The following TNC variants were observed in gnomAD, a reference collection of about 807,000 sequenced individuals.
TNC encodes the protein tenascin.
A neutral mutation model predicts 202.4 loss-of-function variants in TNC; 109 were observed. That is an observed-to-expected ratio of 0.54 (90% CI 0.46 to 0.63). TNC has a LOEUF of 0.63. Among genes scored for constraint, TNC ranks in the 30% least tolerant of loss-of-function variants. The probability of loss-of-function intolerance (pLI) is 0.00; values close to 1 mark genes in which losing one functional copy is unlikely to be tolerated. For synonymous variants in TNC, 1,007 were observed against 1,089.7 expected (o/e 0.92, Z 1.50); for missense variants, 2,756 against 2,833.3 (o/e 0.97, Z 0.62).
At chr9:115,083,608 T>C (rs1834477071) in intron 4 of TNC, among the ~76,000 whole-genome samples, 1 of 151,140 alleles carries the variant, frequency 6.6e-6, no homozygotes, top group Non-Finnish European at 1.5e-5. Flanking sequence ...GACTCTTTTT[T>C]TTTTTTTTTT....
In TNC at chr9:115,090,930, C is replaced by A. The variant is rs753278846; in HGVS notation, c.89G>T (p.Arg30Leu). 6.2e-6 allele frequency: 10 copies of A among 1,614,030 alleles called. No individual in the cohort carries two copies. Among genetic ancestry groups the A allele is most frequent in the African/African-American group, 2.7e-5 (2 of 74,914 alleles). The change falls in exon 2 of 28, where the codon CGG becomes CTG. Residue 30 changes from arginine to leucine, a missense_variant. By Grantham distance (102) the Arg-to-Leu change is moderately radical. This residue lies in a region of TNC where 2,559 missense variants were observed against 2,546.0 expected (regional missense o/e 1.01). Coordinates refer to ENST00000350763, the MANE Select transcript of TNC (RefSeq NM_002160.4). The stretch of plus-strand genomic sequence containing the variant: ...GTTCACCCCACTCTGTCGCTTGTGC[C>A]GGATGACTTTCTTGAGGACCCCACC... ...TEGGVLKKVI[R>L]HKRQSGVNAT...
In TNC at chr9:115,036,186, G is replaced by T. The variant is rs1830314077; in HGVS notation, c.5568C>A (p.Asp1856Glu). The T allele has an allele frequency of 6.2e-7, 1 of 1,614,142 alleles. No homozygotes were observed. The highest frequency in any genetic ancestry group is 8.5e-7 in the Non-Finnish European group (1 of 1,180,018). The change falls in exon 21 of 28, where the codon GAC becomes GAA. Residue 1856 changes from aspartate (D) to glutamate (E), a missense_variant. Asp to Glu is a conservative substitution (Grantham distance 45, BLOSUM62 2). Transcript: ENST00000350763. ...SGNTVEYALT[D>E]LEPATEYTLR... The stretch of plus-strand genomic sequence containing the variant: ...GTGTGTATTCCGTGGCAGGCTCGAG[G>T]TCGGTCAGAGCATACTCCACTGTGT...
chr9:115,031,486 G>C, intron 23 of TNC, 67 bp downstream of exon 23: 2 of 1,397,630 alleles, frequency 1.4e-6, no homozygotes, highest in Non-Finnish European at 1.9e-6. Context: ...GAAGTCAAAG[G>C]GGAAGTCAAG....
In TNC at chr9:115,041,027, A is replaced by G. The variant is rs780947784; in HGVS notation, c.5306T>C (p.Leu1769Pro). ...GACAAGGTACTCCACGCCAGGTATG[A>G]GTTTCACCAGCCTGGTCTGAGTCTT... Reference protein sequence around the residue: ...GTKTQTRLVKLIPGVEYLVSI... With the variant: ...GTKTQTRLVKPIPGVEYLVSI... The change falls in exon 19 of 28, where the codon CTC becomes CCC. Residue 1769 changes from leucine to proline, a missense_variant. Coordinates refer to ENST00000350763, the MANE Select transcript of TNC (RefSeq NM_002160.4). The G allele has an allele frequency of 6.2e-7, 1 of 1,614,078 alleles. No individual in the cohort carries two copies. The highest frequency in any genetic ancestry group is 8.5e-7 in the Non-Finnish European group (1 of 1,180,010).
intron 1 of TNC, among the ~76,000 whole-genome samples, chr9:115,112,218 T>A (rs924034078): frequency 8.5e-5 from 13 of 152,192 alleles, no homozygotes; most frequent in Admixed American, 2.6e-4. Context: ...AGACCTAGGA[T>A]TCCAACCTGA....
chr9:115,043,028 G>T (rs1830887419), intron 17 of TNC, among the ~76,000 whole-genome samples: 1 of 152,142 alleles, frequency 6.6e-6, no homozygotes. Flanking sequence ...GGGTCTACCT[G>T]TGAGAAAAGC....
chr9:115,048,515 C>G lies in TNC; in HGVS notation c.4597G>C (p.Glu1533Gln), dbSNP rs774523376. 1.9e-5 allele frequency: 31 copies of G among 1,612,790 alleles called. No homozygotes were observed. The South Asian group carries it at 2.9e-4, about 15-fold the overall frequency. ...TATTEALPLL[E>Q]NLTISDINPY... ...TTAATGTCGGAAATGGTTAGGTTTT[C>G]CAGAAGGGGCAGGGCCTCTGAAAGA... The change falls in exon 16 of 28, where the codon GAA (glutamate) becomes CAA (glutamine). Residue 1533 changes from glutamate (E) to glutamine (Q), a missense_variant. Transcript: ENST00000350763.
chr9:115,074,925 G>C (rs982850663), intron 9 of TNC, among the ~76,000 whole-genome samples: 15 of 152,122 alleles, frequency 9.9e-5, no homozygotes, highest in Non-Finnish European at 1.9e-4. Context: ...TACCCTTGGG[G>C]GAACCTGGGT....
chr9:115,051,539 T>G (rs1363739456), intron 15 of TNC, among the ~76,000 whole-genome samples: 1 of 22,430 alleles, frequency 4.5e-5, no homozygotes, highest in Non-Finnish European at 9.7e-5. Flanking sequence ...TTTTTTTTCT[T>G]TTTTTTTTTT....
chr9:115,055,683 A>T (rs557893320), intron 15 of TNC: 1 of 152,694 alleles, frequency 6.5e-6, no homozygotes, highest in African/African-American at 2.4e-5. Context: ...TGAGCTTCCC[A>T]CGAGATGGAC....
chr9:115,022,610 C>A (rs117403146), intron 27 of TNC, among the ~76,000 whole-genome samples: 1 of 151,666 alleles, frequency 6.6e-6, no homozygotes, highest in Admixed American at 6.6e-5. Context: ...TTGTATTATA[C>A]GAGTATTTTT....
intron 10 of TNC, among the ~76,000 whole-genome samples, chr9:115,070,834 C>T (rs966527264): frequency 2.0e-5 from 3 of 152,222 alleles, no homozygotes; most frequent in African/African-American, 7.2e-5. Flanking sequence ...CTCGCTTTTC[C>T]TGTTTTCTTT....
chr9:115,023,952 G>A, intron 27 of TNC, 21 bp downstream of exon 27: 2 of 1,608,888 alleles, frequency 1.2e-6, no homozygotes, highest in Non-Finnish European at 1.7e-6. Flanking sequence ...GGCCTGCTCT[G>A]GGCCCTCACG....
intron 6 of TNC, among the ~76,000 whole-genome samples, chr9:115,079,125 G>T (rs1834105576): frequency 1.3e-5 from 2 of 152,010 alleles, no homozygotes; most frequent in Non-Finnish European, 2.9e-5. Flanking sequence ...TTTAGGTAGG[G>T]TTATTCATTG....
At chr9:115,042,467 G>A (rs1040800849) in intron 17 of TNC, 126 bp from the exon 18 acceptor site, 1 of 1,307,220 alleles carries the variant, frequency 7.6e-7, no homozygotes, top group African/African-American at 1.5e-5. Flanking sequence ...CAAGCCTTTA[G>A]GATGGAGAAT....
At chr9:115,039,061 C>T (rs1408046483) in intron 19 of TNC, among the ~76,000 whole-genome samples, 1 of 152,096 alleles carries the variant, frequency 6.6e-6, no homozygotes, top group East Asian at 1.9e-4. Context: ...AACACCTGAC[C>T]TCAGGTGATC....
At chr9:115,069,740 C>CT (rs1833298923) in intron 10 of TNC, among the ~76,000 whole-genome samples, 1 of 6,218 alleles carries the variant, frequency 1.6e-4, no homozygotes, top group Non-Finnish European at 4.0e-4. Flanking sequence ...CCCTTCCTCC[C>CT]TCCCTCCCTC....
intron 8 of TNC, 44 bp from the exon 9 acceptor site, chr9:115,076,165 G>A: frequency 1.3e-6 from 2 of 1,575,040 alleles, no homozygotes; most frequent in African/African-American, 2.7e-5. Flanking sequence ...TGAAATCAGA[G>A]AGACTTTCAG....
chr9:115,084,093 A>G, intron 4 of TNC, 116 bp downstream of exon 4: 1 of 1,133,734 alleles, frequency 8.8e-7, no homozygotes, highest in Non-Finnish European at 1.3e-6. Context: ...CTAGGCTCTT[A>G]TTTGGTATAA....
Sources: allele counts gnomAD v4.1 joint callset (sites outside exome capture counted in the v4.1 genomes callset), GRCh38; gene constraint gnomAD v4.1.1; regional missense constraint gnomAD v4.1.1; transcripts MANE v1.5; gene names NCBI Gene and HGNC (gene_info 2026-07-23, HGNC 2026-07-21).